DNAH11: variants seen among roughly 807,000 people sequenced by gnomAD.
The protein encoded by DNAH11 is axonemal beta dynein heavy chain 11.
A neutral mutation model predicts 526.0 loss-of-function variants in DNAH11; 442 were observed. The ratio of observed to expected loss-of-function variants is 0.84; its 90% CI spans 0.78 to 0.91. The LOEUF (loss-of-function observed/expected upper bound fraction) is 0.91, where lower values mean the gene tolerates loss of function less well. Among genes scored for constraint, DNAH11 ranks in the 40% least tolerant of loss-of-function variants. The probability of loss-of-function intolerance (pLI) is 0.00; values close to 1 mark genes in which losing one functional copy is unlikely to be tolerated. For synonymous variants in DNAH11, 2,461 were observed against 1,935.9 expected (o/e 1.27, Z -7.12); for missense variants, 6,989 against 5,448.7 (o/e 1.28, Z -8.90).
intron 76 of DNAH11, among the ~76,000 whole-genome samples, chr7:21,891,885 T>C (rs1784338041): frequency 6.6e-6 from 1 of 152,164 alleles, no homozygotes; most frequent in Non-Finnish European, 1.5e-5. Context: ...GCACATATCA[T>C]TATTTATAAT....
intron 28 of DNAH11, among the ~76,000 whole-genome samples, chr7:21,648,042 G>A (rs1787439710): frequency 6.6e-6 from 1 of 152,022 alleles, no homozygotes; most frequent in Non-Finnish European, 1.5e-5. Flanking sequence ...AAGATGGAAT[G>A]GTACCAAAAA....
chr7:21,657,230 T>G (rs1782050891), intron 29 of DNAH11, among the ~76,000 whole-genome samples: 1 of 152,216 alleles, frequency 6.6e-6, no homozygotes, highest in Non-Finnish European at 1.5e-5. Context: ...AGTCCATTAG[T>G]GTATTCTTCA....
chr7:21,604,028 T>A (rs1785191312), intron 18 of DNAH11, among the ~76,000 whole-genome samples: 1 of 152,186 alleles, frequency 6.6e-6, no homozygotes, highest in Non-Finnish European at 1.5e-5. Context: ...TGTGGTGTAT[T>A]TGGAGGGTAA....
At chr7:21,600,308 A>T (rs890059688) in intron 15 of DNAH11, among the ~76,000 whole-genome samples, 189 bp downstream of exon 15, 1 of 152,070 alleles carries the variant, frequency 6.6e-6, no homozygotes, top group Non-Finnish European at 1.5e-5. Flanking sequence ...AAATTAAAAA[A>T]TTAGCTGGGT....
chr7:21,863,245 A>G (rs1239109742), intron 69 of DNAH11, among the ~76,000 whole-genome samples: 2 of 152,190 alleles, frequency 1.3e-5, no homozygotes, highest in Non-Finnish European at 2.9e-5. Flanking sequence ...GTGTGTGCCA[A>G]AGAAGGCACT....
chr7:21,619,506 C>T (rs1398559289), intron 24 of DNAH11, among the ~76,000 whole-genome samples: 1 of 152,060 alleles, frequency 6.6e-6, no homozygotes, highest in Non-Finnish European at 1.5e-5. Context: ...TTTATATTAA[C>T]CCATTTAATC....
At chr7:21,900,835 G>T (rs531203951) in intron 81 of DNAH11, 172 bp from the exon 82 acceptor site, 17 of 1,090,968 alleles carry the variant, frequency 1.6e-5, no homozygotes, top group Non-Finnish European at 2.0e-5. Context: ...GCTGCAGGCA[G>T]GGTAACCTAC....
intron 65 of DNAH11, among the ~76,000 whole-genome samples, chr7:21,825,407 C>A (rs1790240722): frequency 6.6e-6 from 1 of 152,124 alleles, no homozygotes; most frequent in Non-Finnish European, 1.5e-5. Flanking sequence ...GGTTGTAGAA[C>A]TTATGCACAA....
In DNAH11 at chr7:21,880,894, G is replaced by C; in HGVS notation, c.12387+1G>C. 6.3e-7 allele frequency: 1 copy of C among 1,596,840 alleles called. No homozygotes were observed. The highest frequency in any genetic ancestry group is 8.5e-7 in the Non-Finnish European group (1 of 1,175,378). ...CAACTACTTAGAGGCAAACTCTAAAGTAAGTGCTAGTGGTCAAATAACCTC... is the reference window on the plus strand; with the variant it reads ...CAACTACTTAGAGGCAAACTCTAAACTAAGTGCTAGTGGTCAAATAACCTC... On this transcript the variant is annotated splice_donor_variant, in intron 75 of 81. Transcript: ENST00000409508. LOFTEE classifies it high-confidence loss of function.
chr7:21,733,173 G>A (rs1021107819), intron 45 of DNAH11, among the ~76,000 whole-genome samples: 3 of 152,212 alleles, frequency 2.0e-5, no homozygotes, highest in African/African-American at 7.2e-5. Flanking sequence ...GATCACCTGA[G>A]GCCAGGAATT....
In DNAH11 at chr7:21,665,727, G is replaced by A. The variant is rs182548020; in HGVS notation, c.5328+6696G>A. On this transcript the variant is annotated intron_variant, in intron 30 of 81. Coordinates refer to ENST00000409508, the MANE Select transcript of DNAH11 (RefSeq NM_001277115.2). Reference sequence around the variant, plus strand: ...ATAGAGAAAAGGGATGATTTGTGAAGAAAGCATTTATCCACATAATTATAA... The same window carrying A: ...ATAGAGAAAAGGGATGATTTGTGAAAAAAGCATTTATCCACATAATTATAA... Among the ~76,000 whole-genome samples the A allele has an allele frequency of 7.2e-5, 11 of 152,196 alleles. No individual in the cohort carries two copies. The East Asian group carries it at 2.1e-3, about 29-fold the overall frequency.
chr7:21,816,573 C>A lies in DNAH11; in HGVS notation c.10439C>A (p.Thr3480Asn). The change falls in exon 64 of 82, where the codon ACC becomes AAC. Residue 3480 changes from threonine to asparagine, a missense_variant. By Grantham distance (65) the Thr-to-Asn change is moderately conservative. Transcript: ENST00000409508. ...GGACTGCCCAGTGACAGAATGTCCA[C>A]CGAAAATGCCGCTATCCTAACACAC... ...NEGLPSDRMS[T>N]ENAAILTHCE... The A allele has an allele frequency of 6.2e-7, 1 of 1,613,406 alleles. No individual in the cohort carries two copies. Among genetic ancestry groups the A allele is most frequent in the Non-Finnish European group, 8.5e-7 (1 of 1,179,748 alleles).
intron 30 of DNAH11, among the ~76,000 whole-genome samples, chr7:21,659,901 A>G (rs1353923929): frequency 6.6e-6 from 1 of 152,028 alleles, no homozygotes; most frequent in Non-Finnish European, 1.5e-5. Context: ...ATTCCTTTTA[A>G]TTTTACTCTT....
At chr7:21,883,289 G>A (rs1472601856) in intron 75 of DNAH11, among the ~76,000 whole-genome samples, 1 of 152,208 alleles carries the variant, frequency 6.6e-6, no homozygotes, top group Non-Finnish European at 1.5e-5. Flanking sequence ...AAAGGTTCCT[G>A]TCTAGAAAGG....
chr7:21,752,491 T>C (rs144759833), intron 54 of DNAH11, among the ~76,000 whole-genome samples: 1 of 152,326 alleles, frequency 6.6e-6, no homozygotes. Flanking sequence ...TAGGCAATTA[T>C]TCTTATATAT....
At chr7:21,887,059 G>A (rs1469143715) in intron 76 of DNAH11, among the ~76,000 whole-genome samples, 1 of 152,202 alleles carries the variant, frequency 6.6e-6, no homozygotes, top group Non-Finnish European at 1.5e-5. Context: ...TCATCTGCAG[G>A]ACATCTTTTT....
intron 14 of DNAH11, among the ~76,000 whole-genome samples, chr7:21,593,999 T>C (rs1398748738): frequency 6.7e-6 from 1 of 149,608 alleles, no homozygotes; most frequent in Admixed American, 6.7e-5. Flanking sequence ...TCTCTTCCTC[T>C]CACATATCAC....
chr7:21,570,487 G>T (rs1310239288), intron 7 of DNAH11, 188 bp downstream of exon 7: 4 of 468,608 alleles, frequency 8.5e-6, no homozygotes, highest in Non-Finnish European at 1.5e-5. Flanking sequence ...TCTTTAATTT[G>T]GATTTTTTAA....
At position 21,735,629 on chromosome 7, in the gene DNAH11, T is replaced by G. The variant is rs1346344812; in HGVS notation, c.7441-11T>G. The G allele has an allele frequency of 6.4e-7, 1 of 1,565,290 alleles. No homozygotes were observed. Among genetic ancestry groups the G allele is most frequent in the Non-Finnish European group, 8.7e-7 (1 of 1,153,494 alleles). Reference sequence around the variant, plus strand: ...TTTCTGATCTTTGTCTCATTCTGTTTCTCCTCCCAGACAGTTCTCGTTCAC... The same window carrying G: ...TTTCTGATCTTTGTCTCATTCTGTTGCTCCTCCCAGACAGTTCTCGTTCAC... On this transcript the variant is annotated splice_polypyrimidine_tract_variant and intron_variant, in intron 45 of 81. Coordinates refer to ENST00000409508, the MANE Select transcript of DNAH11 (RefSeq NM_001277115.2).
Sources: allele counts gnomAD v4.1 joint callset (sites outside exome capture counted in the v4.1 genomes callset), GRCh38; gene constraint gnomAD v4.1.1; transcripts MANE v1.5; gene names NCBI Gene and HGNC (gene_info 2026-07-23, HGNC 2026-07-21).